Variants in CCT5 observed in about 807,000 individuals in gnomAD.
CCT5 encodes T-complex protein 1 subunit epsilon.
Under a neutral mutation model 55.0 loss-of-function variants are expected in CCT5, and 6 were observed. The ratio of observed to expected loss-of-function variants is 0.11; its 90% CI spans 0.06 to 0.22. The LOEUF (loss-of-function observed/expected upper bound fraction) is 0.22. Among genes scored for constraint, CCT5 ranks in the 10% least tolerant of loss-of-function variants. CCT5 has a pLI of 1.00. For synonymous variants in CCT5, 231 were observed against 243.7 expected (o/e 0.95, Z 0.49); for missense variants, 560 against 694.6 (o/e 0.81, Z 2.18).
At chr5:10,258,757 T>C (rs1350029843) in intron 6 of CCT5, among the ~76,000 whole-genome samples, 2 of 152,182 alleles carry the variant, frequency 1.3e-5, no homozygotes, top group African/African-American at 2.4e-5. Context: ...CCCAGCACTT[T>C]GGGAGGCTAA....
chr5:10,253,402 T>C (rs1416039814), intron 1 of CCT5, among the ~76,000 whole-genome samples: 2 of 152,046 alleles, frequency 1.3e-5, no homozygotes, highest in African/African-American at 2.4e-5. Flanking sequence ...TGGAGGAAGA[T>C]TTTTAAAGCA....
chr5:10,262,732 A>C, intron 9 of CCT5, 114 bp downstream of exon 9: 2 of 1,104,710 alleles, frequency 1.8e-6, no homozygotes, highest in Non-Finnish European at 2.8e-6. Flanking sequence ...AGCTGTGTGT[A>C]GGTGACAGGT....
At chr5:10,257,915 T>C (rs1302016742) in intron 4 of CCT5, 196 bp from the exon 5 acceptor site, 3 of 626,372 alleles carry the variant, frequency 4.8e-6, no homozygotes, top group East Asian at 5.5e-5. Flanking sequence ...AAGTATACAG[T>C]CCCCTTTAGG....
Position 10,250,409 on chromosome 5 carries a change from C to A in CCT5, c.69C>A (p.Asp23Glu), listed in dbSNP as rs776873105. 2 of 1,614,030 alleles carry A rather than the reference C, an allele frequency of 1.2e-6. No homozygotes were observed. The highest frequency in any genetic ancestry group is 1.7e-6 in the Non-Finnish European group (2 of 1,180,044). Reference protein sequence around the residue: ...GRPFLIIKDQDRKSRLMGLEA... With the variant: ...GRPFLIIKDQERKSRLMGLEA... ...CTTTCCTCATCATCAAGGATCAGGA[C>A]CGCAAGTCCCGTCTTATGGGACTTG... The change falls in exon 1 of 11, where the codon GAC becomes GAA. Residue 23 changes from aspartate to glutamate, a missense_variant. Asp to Glu is a conservative substitution (Grantham distance 45, BLOSUM62 2). Around this residue, in one of 4 missense-constraint regions of CCT5, gnomAD observed 137 missense variants for 181.9 expected, o/e 0.75. Transcript: ENST00000280326.
chr5:10,261,592 C>G lies in CCT5; in HGVS notation c.1026C>G (p.Val342=), dbSNP rs1239064474. 1 of 1,614,168 alleles carries G rather than the reference C, an allele frequency of 6.2e-7. No individual in the cohort carries two copies. The highest frequency in any genetic ancestry group is 1.1e-5 in the South Asian group (1 of 91,068). ...CCATCGCAACAGGAGGGCGGATCGT[C>G]CCCAGGTTCTCAGAGCTCACAGCCG... ...LIAIATGGRI[V]PRFSELTAEK... The change falls in exon 8 of 11, where the codon GTC becomes GTG. Residue 342 remains valine (V), a synonymous_variant. Transcript: ENST00000280326.
chr5:10,255,004 T>C lies in CCT5; in HGVS notation c.331+166T>C. 4 of 652,392 alleles carry C rather than the reference T, an allele frequency of 6.1e-6. No individual in the cohort carries two copies. The South Asian group carries it at 6.9e-5, about 11-fold the overall frequency. The allele number at this position is 652,392 out of a possible 1,614,324, so 40.4% of individuals were successfully genotyped here. ...AATGTCGGACTTTCAAAACTGACAG[T>C]GTTACAAAAGAACAGAAAGAGGGCT... On this transcript the variant is annotated intron_variant, in intron 3 of 10. Coordinates refer to ENST00000280326, the MANE Select transcript of CCT5 (RefSeq NM_012073.5).
At chr5:10,254,584 G>A (rs1036430585) in intron 2 of CCT5, 90 bp from the exon 3 acceptor site, 1 of 1,111,340 alleles carries the variant, frequency 9.0e-7, no homozygotes, top group Admixed American at 1.7e-5. Flanking sequence ...AAATTGCACA[G>A]ATAAGAGCTG....
At chr5:10,263,092 T>A (rs1746045906) in intron 9 of CCT5, 42 bp from the exon 10 acceptor site, 1 of 1,581,114 alleles carries the variant, frequency 6.3e-7, no homozygotes, top group Non-Finnish European at 8.7e-7. Flanking sequence ...TGGGTTGTTT[T>A]GTTTCGCCAA....
chr5:10,254,531 A>G, intron 2 of CCT5, 143 bp from the exon 3 acceptor site: 1 of 749,656 alleles, frequency 1.3e-6, no homozygotes, highest in South Asian at 1.5e-5. Context: ...AAATGCCTTC[A>G]TGCAGCTACT....
chr5:10,264,690 T>A lies in CCT5; in HGVS notation c.1533T>A (p.Ile511=). The change falls in exon 11 of 11, where the codon ATT becomes ATA. Residue 511 remains isoleucine, a synonymous_variant. Coordinates refer to ENST00000280326, the MANE Select transcript of CCT5 (RefSeq NM_012073.5). ...AACAGCATGTCATAGAAACCTTGAT[T>A]GGCAAAAAGCAACAGATATCTCTTG... ...MKQQHVIETL[I]GKKQQISLAT... The A allele has an allele frequency of 6.2e-7, 1 of 1,613,908 alleles. No individual in the cohort carries two copies. The highest frequency in any genetic ancestry group is 8.5e-7 in the Non-Finnish European group (1 of 1,179,816).
In CCT5 at chr5:10,262,755, G is replaced by A; in HGVS notation, c.1317+137G>A. 5 of 925,176 alleles carry A rather than the reference G, an allele frequency of 5.4e-6. No homozygotes were observed. The South Asian group carries it at 6.7e-5, about 12-fold the overall frequency. The allele number at this position is 925,176 out of a possible 1,614,324, so 57.3% of individuals were successfully genotyped here. On this transcript the variant is annotated intron_variant, in intron 9 of 10. Coordinates refer to ENST00000280326, the MANE Select transcript of CCT5 (RefSeq NM_012073.5). ...GTAGGTGACAGGTGTTTTAATCTAAGTTAATTCCCACGTTCCTGTATTCAG... is the reference window on the plus strand; with the variant it reads ...GTAGGTGACAGGTGTTTTAATCTAAATTAATTCCCACGTTCCTGTATTCAG...
At position 10,256,139 on chromosome 5, in the gene CCT5, G is replaced by A. The variant is rs41271093; in HGVS notation, c.516G>A (p.Thr172=). The A allele has an allele frequency of 3.4e-5, 55 of 1,613,262 alleles. No homozygotes were observed. The highest frequency in any genetic ancestry group is 6.6e-5 in the South Asian group (6 of 90,978). ...TEPLIQTAKT[T]LGSKVVNSCH... Reference sequence around the variant, plus strand: ...CCCTGATTCAGACAGCAAAAACCACGCTGGGCTCCAAAGTGTACGTTTCAG... The same window carrying A: ...CCCTGATTCAGACAGCAAAAACCACACTGGGCTCCAAAGTGTACGTTTCAG... The change falls in exon 4 of 11, where the codon ACG becomes ACA. Residue 172 remains threonine (T), a synonymous_variant. Transcript: ENST00000280326.
At position 10,261,541 on chromosome 5, in the gene CCT5, C is replaced by T. The variant is rs1405702118; in HGVS notation, c.994-19C>T. On this transcript the variant is annotated intron_variant, in intron 7 of 10. Coordinates refer to ENST00000280326, the MANE Select transcript of CCT5 (RefSeq NM_012073.5). ...TCACCAGTACTGTCTTCATCCTTCTCCCTGACCACCCCAATTAGCTGATTG... is the reference window on the plus strand; with the variant it reads ...TCACCAGTACTGTCTTCATCCTTCTTCCTGACCACCCCAATTAGCTGATTG... 4 of 1,613,340 alleles carry T rather than the reference C, an allele frequency of 2.5e-6. No homozygotes were observed. The East Asian group carries it at 6.7e-5, about 27-fold the overall frequency.
At chr5:10,257,966 A>G in intron 4 of CCT5, 145 bp from the exon 5 acceptor site, 1 of 833,294 alleles carries the variant, frequency 1.2e-6, no homozygotes, top group African/African-American at 1.7e-5. Context: ...CAGACTGTTG[A>G]AAATGCAGGT....
At chr5:10,256,791 G>C (rs59703872) in intron 4 of CCT5, among the ~76,000 whole-genome samples, 2 of 152,028 alleles carry the variant, frequency 1.3e-5, no homozygotes, top group African/African-American at 4.8e-5. Context: ...TTGGGGGTGG[G>C]TTCCACTTTT....
At chr5:10,257,248 C>T (rs1561047552) in intron 4 of CCT5, among the ~76,000 whole-genome samples, 1 of 152,176 alleles carries the variant, frequency 6.6e-6, no homozygotes, top group Non-Finnish European at 1.5e-5. Context: ...CTGCTGTCCT[C>T]CTCTAACCAC....
rs376413890 is a variant in CCT5, at chr5:10,254,646, G to T, written c.167-28G>T. ...GTGATATTGGTTGCCAGTTTTTTGC[G>T]CAAAGCCTACTAAACGTTGTTTTTT... On this transcript the variant is annotated intron_variant, in intron 2 of 10. Transcript: ENST00000280326. The T allele has an allele frequency of 1.3e-4, 215 of 1,612,040 alleles. No individual in the cohort carries two copies. In the African/African-American group the frequency reaches 2.5e-3, roughly 19 times the overall value.
At chr5:10,261,461 A>G (rs774972474) in intron 7 of CCT5, 99 bp from the exon 8 acceptor site, 57 of 1,111,244 alleles carry the variant, frequency 5.1e-5, no homozygotes, top group Non-Finnish European at 7.5e-5. Context: ...TCTAGTGAAC[A>G]AGTTGGTCTT....
Position 10,254,905 on chromosome 5 carries a change from C to T in CCT5, c.331+67C>T, listed in dbSNP as rs947933089. 21 of 1,348,702 alleles carry T rather than the reference C, an allele frequency of 1.6e-5. No homozygotes were observed. The African/African-American group carries it at 2.7e-4, about 18-fold the overall frequency. 83.5% of individuals were successfully genotyped at this position (1,348,702 alleles called of 1,614,324 possible). On this transcript the variant is annotated intron_variant, in intron 3 of 10. Coordinates refer to ENST00000280326, the MANE Select transcript of CCT5 (RefSeq NM_012073.5). The stretch of plus-strand genomic sequence containing the variant: ...ATTTAAGACCACAGGGCTAACATGC[C>T]TGCTGAGATTGTTGTCTCTGAATCA...
Sources: allele counts gnomAD v4.1 joint callset (sites outside exome capture counted in the v4.1 genomes callset), GRCh38; gene constraint gnomAD v4.1.1; regional missense constraint gnomAD v4.1.1; transcripts MANE v1.5; gene names NCBI Gene and HGNC (gene_info 2026-07-23, HGNC 2026-07-21).